Variants in KCNK2 observed in about 807,000 individuals in gnomAD.
KCNK2 encodes the protein potassium channel subfamily K member 2.
A neutral mutation model predicts 40.5 loss-of-function variants in KCNK2; 21 were observed. That is an observed-to-expected ratio of 0.52 (90% CI 0.37 to 0.75). KCNK2 has a LOEUF of 0.75. Among genes scored for constraint, KCNK2 ranks in the 30% least tolerant of loss-of-function variants. The probability of loss-of-function intolerance (pLI) is 0.00; values close to 1 mark genes in which losing one functional copy is unlikely to be tolerated. For missense variants in KCNK2, 399 were observed against 531.6 expected, an observed-to-expected ratio of 0.75 and a Z score of 2.45; for synonymous variants, 191 against 202.2, an observed-to-expected ratio of 0.94 and a Z score of 0.47.
chr1:215,130,015 A>G (rs1459154381), intron 3 of KCNK2, among the ~76,000 whole-genome samples: 2 of 152,146 alleles, frequency 1.3e-5, no homozygotes, highest in Non-Finnish European at 2.9e-5. Context: ...TCTTTCAACC[A>G]TGTCTGAGTT....
Position 215,086,687 on chromosome 1 carries a change from A to G in KCNK2, c.357+9A>G, listed in dbSNP as rs759448355. On this transcript the variant is annotated intron_variant, in intron 2 of 6. Coordinates refer to ENST00000444842, the MANE Select transcript of KCNK2 (RefSeq NM_001017425.3). ...TGGATGAACTCATTCAGGTAATGGC[A>G]TGGGAGGAGTTGTTACTCTGTTCCC... 3.1e-6 allele frequency: 5 copies of G among 1,608,608 alleles called. No homozygotes were observed. In the East Asian group the frequency reaches 1.1e-4, roughly 36 times the overall value.
chr1:215,055,454 G>A (rs1336484745), intron 1 of KCNK2, among the ~76,000 whole-genome samples: 1 of 152,206 alleles, frequency 6.6e-6, no homozygotes, highest in Non-Finnish European at 1.5e-5. Context: ...TGCTTCTGTA[G>A]CTTCAAGTAC....
At chr1:215,115,128 T>C (rs1571629061) in intron 2 of KCNK2, among the ~76,000 whole-genome samples, 1 of 152,096 alleles carries the variant, frequency 6.6e-6, no homozygotes, top group Non-Finnish European at 1.5e-5. Flanking sequence ...GAAAAAATCC[T>C]TTTGTTTTTA....
At chr1:215,022,636 C>T (rs1393310016) in intron 1 of KCNK2, among the ~76,000 whole-genome samples, 1 of 152,128 alleles carries the variant, frequency 6.6e-6, no homozygotes, top group African/African-American at 2.4e-5. Flanking sequence ...AGGTCACGGG[C>T]TCCATTCAAA....
chr1:215,146,456 T>C (rs1662419489), intron 3 of KCNK2, among the ~76,000 whole-genome samples: 1 of 152,224 alleles, frequency 6.6e-6, no homozygotes, highest in South Asian at 2.1e-4. Flanking sequence ...TGTGAAATAC[T>C]GTTTGAACTG....
chr1:215,181,091 G>A (rs1664200071), intron 5 of KCNK2, among the ~76,000 whole-genome samples: 1 of 152,030 alleles, frequency 6.6e-6, no homozygotes. Context: ...TTGTCTGACT[G>A]TGTTAGTTCA....
intron 3 of KCNK2, among the ~76,000 whole-genome samples, chr1:215,136,428 A>G (rs1558107566): frequency 6.6e-6 from 1 of 152,150 alleles, no homozygotes; most frequent in Non-Finnish European, 1.5e-5. Context: ...ATCTTGAGGT[A>G]TTTCTTTTAA....
intron 3 of KCNK2, among the ~76,000 whole-genome samples, chr1:215,166,478 T>G (rs1385273448): frequency 6.6e-6 from 1 of 152,174 alleles, no homozygotes; most frequent in Non-Finnish European, 1.5e-5. Context: ...CTGCCTCCAG[T>G]CTTTGCCTCC....
chr1:215,135,820 C>T (rs757343618), intron 3 of KCNK2, among the ~76,000 whole-genome samples: 3 of 152,178 alleles, frequency 2.0e-5, no homozygotes, highest in Non-Finnish European at 2.9e-5. Flanking sequence ...CTGCAACCTC[C>T]GCCTCCTGGG....
chr1:215,036,633 T>C (rs1347505488), intron 1 of KCNK2, among the ~76,000 whole-genome samples: 1 of 151,974 alleles, frequency 6.6e-6, no homozygotes, highest in Non-Finnish European at 1.5e-5. Flanking sequence ...AGAATATTTA[T>C]GTCAACAGGA....
chr1:215,210,148 C>A lies in KCNK2; in HGVS notation c.963+15056C>A, dbSNP rs1034468147. Among the ~76,000 whole-genome samples the A allele has an allele frequency of 9.8e-5, 14 of 143,038 alleles. No individual in the cohort carries two copies. The South Asian group carries it at 2.6e-3, about 26-fold the overall frequency. 93.8% of individuals were successfully genotyped at this position (143,038 alleles called of 152,430 possible). On this transcript the variant is annotated intron_variant, in intron 6 of 6. Coordinates refer to ENST00000444842, the MANE Select transcript of KCNK2 (RefSeq NM_001017425.3). The stretch of plus-strand genomic sequence containing the variant: ...AAATATACACTATAAATATATAGTA[C>A]ATATAGTATATAGTGTGTGTATGTA...
chr1:215,105,210 C>T (rs987824844), intron 2 of KCNK2, among the ~76,000 whole-genome samples: 4 of 152,102 alleles, frequency 2.6e-5, no homozygotes, highest in African/African-American at 9.7e-5. Context: ...AAACCCTATA[C>T]CCACTGAACA....
At chr1:215,223,269 A>G (rs1397629474) in intron 6 of KCNK2, among the ~76,000 whole-genome samples, 1 of 148,992 alleles carries the variant, frequency 6.7e-6, no homozygotes, top group Non-Finnish European at 1.5e-5. Context: ...AAAAGTCAAA[A>G]CTCTTACAAG....
At chr1:215,204,752 C>T (rs1406943347) in intron 6 of KCNK2, among the ~76,000 whole-genome samples, 1 of 152,074 alleles carries the variant, frequency 6.6e-6, no homozygotes, top group African/African-American at 2.4e-5. Flanking sequence ...GGTTTTAGTT[C>T]CTCTTTAAGA....
chr1:215,140,837 A>G (rs772304512), intron 3 of KCNK2, among the ~76,000 whole-genome samples: 17 of 152,078 alleles, frequency 1.1e-4, no homozygotes, highest in Non-Finnish European at 2.2e-4. Context: ...TCAATAATAA[A>G]TTAGCTTTCC....
chr1:215,067,396 A>G (rs1374245250), intron 1 of KCNK2, among the ~76,000 whole-genome samples: 2 of 152,196 alleles, frequency 1.3e-5, no homozygotes, highest in African/African-American at 4.8e-5. Flanking sequence ...GAACACAAGT[A>G]TTAGGATTAT....
chr1:215,023,415 A>G (rs1480108891), intron 1 of KCNK2, among the ~76,000 whole-genome samples: 1 of 152,190 alleles, frequency 6.6e-6, no homozygotes, highest in African/African-American at 2.4e-5. Context: ...TCACCTTTTA[A>G]AATCTGCCCC....
chr1:215,140,464 G>T (rs533116182), intron 3 of KCNK2, among the ~76,000 whole-genome samples: 1 of 152,206 alleles, frequency 6.6e-6, no homozygotes, highest in Admixed American at 6.6e-5. Flanking sequence ...CACAAACCTA[G>T]ATGTACACAC....
chr1:215,038,661 A>G (rs1657464390), intron 1 of KCNK2, among the ~76,000 whole-genome samples: 1 of 152,132 alleles, frequency 6.6e-6, no homozygotes, highest in Non-Finnish European at 1.5e-5. Flanking sequence ...TTATACTTCT[A>G]GAACAGGGAA....
Sources: gnomAD v4.1 joint callset for allele counts (sites outside exome capture counted in the v4.1 genomes callset) on GRCh38, gnomAD v4.1.1 for gene constraint, MANE v1.5 for transcripts, NCBI Gene and HGNC (gene_info 2026-07-23, HGNC 2026-07-21) for gene names.